Variants in CD96 observed in about 807,000 individuals in gnomAD.
CD96 encodes the protein CD96 molecule, also known as T-cell surface protein tactile.
Under a neutral mutation model 71.3 loss-of-function variants are expected in CD96, and 70 were observed. That is an observed-to-expected ratio of 0.98 (90% CI 0.81 to 1.20). The LOEUF (loss-of-function observed/expected upper bound fraction) is 1.20, where lower values mean the gene tolerates loss of function less well. CD96 is among the 50% of genes most tolerant of loss of function. CD96 has a pLI of 0.00. For missense variants in CD96, 742 were observed against 677.5 expected (o/e 1.10, Z -1.06); for synonymous variants, 248 against 233.0 (o/e 1.06, Z -0.59).
intron 2 of CD96, among the ~76,000 whole-genome samples, chr3:111,554,799 T>C (rs761726242): frequency 3.9e-5 from 6 of 151,982 alleles, no homozygotes; most frequent in East Asian, 1.9e-4. Context: ...TACATTGTAA[T>C]ATATAATGAA....
rs1936357594 is a variant in CD96 at position 111,579,213 on chromosome 3, T to C, written c.730T>C (p.Ser244Pro). The C allele has an allele frequency of 6.3e-7, 1 of 1,598,128 alleles. No individual in the cohort carries two copies. Among genetic ancestry groups the C allele is most frequent in the Admixed American group, 1.7e-5 (1 of 59,990 alleles). ...RVGPNKILRS[S>P]TTVKVFAKPE... ...CGGTCCTAACAAAATCTTGAGGAGCTCCACCACAGTCAAGGTTTTTGGTAA... is the reference window on the plus strand; with the variant it reads ...CGGTCCTAACAAAATCTTGAGGAGCCCCACCACAGTCAAGGTTTTTGGTAA... Residue 244 changes from serine (S) to proline (P), a missense_variant, in exon 4 of 14, where the codon TCC (serine) becomes CCC (proline). By Grantham distance (74) the Ser-to-Pro change is moderately conservative. Coordinates refer to ENST00000352690, the MANE Select transcript of CD96 (RefSeq NM_005816.5).
intron 8 of CD96, among the ~76,000 whole-genome samples, chr3:111,616,646 TG>T (rs1175351170): frequency 6.6e-6 from 1 of 152,168 alleles, no homozygotes; most frequent in Non-Finnish European, 1.5e-5. Context: ...TGGGTTCAGT[TG>T]TTGTCTCTGC....
intron 12 of CD96, among the ~76,000 whole-genome samples, chr3:111,640,079 A>G (rs1939521199): frequency 6.6e-6 from 1 of 151,996 alleles, no homozygotes; most frequent in Non-Finnish European, 1.5e-5. Flanking sequence ...GCTCTTCAAC[A>G]CCCCCCAAAA....
chr3:111,591,787 C>A (rs1029835108), intron 5 of CD96, among the ~76,000 whole-genome samples: 1 of 152,198 alleles, frequency 6.6e-6, no homozygotes, highest in Non-Finnish European at 1.5e-5. Flanking sequence ...AAAAAAAGAA[C>A]ATGACGGGAC....
intron 10 of CD96, among the ~76,000 whole-genome samples, chr3:111,635,638 T>G (rs144444561): frequency 3.3e-4 from 51 of 152,322 alleles, no homozygotes; most frequent in African/African-American, 1.2e-3. Context: ...AAACTATTAG[T>G]GTCCACACAT....
intron 4 of CD96, among the ~76,000 whole-genome samples, chr3:111,582,153 T>C (rs1936495705): frequency 1.3e-5 from 2 of 152,194 alleles, no homozygotes; most frequent in Non-Finnish European, 2.9e-5. Flanking sequence ...ATAATCTCAA[T>C]AAATCATTAT....
intron 4 of CD96, among the ~76,000 whole-genome samples, chr3:111,584,595 G>A (rs1449590501): frequency 6.6e-6 from 1 of 152,190 alleles, no homozygotes; most frequent in Non-Finnish European, 1.5e-5. Flanking sequence ...CGTGGTGAAA[G>A]GTACTTCTTA....
rs565293891 is a variant in CD96, at chr3:111,585,967, C to T, written c.807+589C>T. On this transcript the variant is annotated intron_variant, in intron 5 of 13. Coordinates refer to ENST00000352690, the MANE Select transcript of CD96 (RefSeq NM_005816.5). ...ACTAGGATCTGGACTCAATTTCTCG[C>T]TCTTTCTCTTGCGAGCTGTGACCTT... 1.1e-3 allele frequency among the ~76,000 whole-genome samples: 174 copies of T among 152,278 alleles called. 1 individual carries two copies. Among genetic ancestry groups the T allele is most frequent in the African/African-American group, 4.0e-3 (167 of 41,560 alleles).
intron 14 of CD96, among the ~76,000 whole-genome samples, chr3:111,664,361 C>T (rs138120784): frequency 3.1e-4 from 47 of 152,160 alleles, no homozygotes; most frequent in African/African-American, 1.1e-3. Context: ...TTTGCAGCAA[C>T]GTGGATGTAG....
At chr3:111,543,930 C>T (rs974925659) in intron 1 of CD96, among the ~76,000 whole-genome samples, 1 of 152,170 alleles carries the variant, frequency 6.6e-6, no homozygotes, top group Admixed American at 6.5e-5. Context: ...TATAAGCAAG[C>T]CTGCTTTCTT....
intron 4 of CD96, among the ~76,000 whole-genome samples, chr3:111,582,472 C>T (rs1201195781): frequency 6.6e-6 from 1 of 152,076 alleles, no homozygotes; most frequent in Non-Finnish European, 1.5e-5. Context: ...TGAAATATTC[C>T]CTGATATTTC....
chr3:111,635,075 C>T (rs374896190), intron 10 of CD96: 5 of 153,402 alleles, frequency 3.3e-5, no homozygotes, highest in African/African-American at 9.7e-5. Context: ...AAGTAGCCAA[C>T]TCCATCTTAC....
intron 3 of CD96, among the ~76,000 whole-genome samples, chr3:111,569,791 C>G (rs1576330833): frequency 6.6e-6 from 1 of 151,232 alleles, no homozygotes; most frequent in East Asian, 1.9e-4. Flanking sequence ...CTTTTTTTTT[C>G]CAAAGTATAA....
chr3:111,564,830 G>T (rs180738876), intron 2 of CD96, among the ~76,000 whole-genome samples: 178 of 152,142 alleles, frequency 1.2e-3, no homozygotes, highest in African/African-American at 4.1e-3. Flanking sequence ...CCCTAAAGCC[G>T]CCTCTTCTGT....
chr3:111,642,918 A>G (rs1288108802), intron 12 of CD96, among the ~76,000 whole-genome samples: 2 of 138,390 alleles, frequency 1.4e-5, no homozygotes, highest in Non-Finnish European at 3.0e-5. Context: ...TACCAATCCT[A>G]TTGACACTAT....
At chr3:111,602,000 T>A (rs1194439020) in intron 7 of CD96, among the ~76,000 whole-genome samples, 1 of 152,236 alleles carries the variant, frequency 6.6e-6, no homozygotes, top group Admixed American at 6.5e-5. Context: ...CACATCATCC[T>A]GTGTACTTTG....
At chr3:111,662,217 G>A (rs1940375582) in intron 14 of CD96, among the ~76,000 whole-genome samples, 1 of 152,218 alleles carries the variant, frequency 6.6e-6, no homozygotes, top group Non-Finnish European at 1.5e-5. Flanking sequence ...CATGTACCAA[G>A]GCTGCACAGA....
At position 111,631,038 on chromosome 3, in the gene CD96, A is replaced by G. The variant is rs559605815; in HGVS notation, c.1322-6158A>G. Reference sequence around the variant, plus strand: ...AACCATATATGACAAACCCACAGCCAATATCATGCTGAATGGGCAAAATCT... The same window carrying G: ...AACCATATATGACAAACCCACAGCCGATATCATGCTGAATGGGCAAAATCT... On this transcript the variant is annotated intron_variant, in intron 10 of 13. Coordinates refer to ENST00000352690, the MANE Select transcript of CD96 (RefSeq NM_005816.5). 1.8e-4 allele frequency among the ~76,000 whole-genome samples: 28 copies of G among 152,320 alleles called. No individual in the cohort carries two copies. In the South Asian group the frequency reaches 5.6e-3, roughly 30 times the overall value.
chr3:111,569,434 A>G (rs1459251289), intron 3 of CD96, among the ~76,000 whole-genome samples: 1 of 152,336 alleles, frequency 6.6e-6, no homozygotes, highest in Middle Eastern at 3.4e-3. Context: ...GTATAAGTCC[A>G]TTGTTCTTAA....
Sources: allele counts gnomAD v4.1 joint callset (sites outside exome capture counted in the v4.1 genomes callset), GRCh38; gene constraint gnomAD v4.1.1; transcripts MANE v1.5; gene names NCBI Gene and HGNC (gene_info 2026-07-23, HGNC 2026-07-21).